Variants in ATP6AP2 observed in about 807,000 individuals in gnomAD.
The protein encoded by ATP6AP2 is ATPase H+ transporting accessory protein 2.
ATP6AP2 carries 1 observed loss-of-function variant against 23.4 expected under a neutral mutation model. The ratio of observed to expected loss-of-function variants is 0.04; its 90% CI spans 0.02 to 0.20. The LOEUF is 0.20. Among genes scored for constraint, ATP6AP2 ranks in the 10% least tolerant of loss-of-function variants. The probability of loss-of-function intolerance (pLI) is 1.00; values close to 1 mark genes in which losing one functional copy is unlikely to be tolerated. For synonymous variants in ATP6AP2, 90 were observed against 97.1 expected (o/e 0.93, Z 0.43); for missense variants, 174 against 271.3 (o/e 0.64, Z 2.52).
chrX:40,601,146 T>C (rs1004164890), intron 8 of ATP6AP2, among the ~76,000 whole-genome samples: 4 of 111,895 alleles, frequency 3.6e-5, no homozygotes, highest in Non-Finnish European at 7.5e-5. Flanking sequence ...AATTCAAATA[T>C]CAGTACACAC....
chrX:40,603,321 C>T (rs1926986239), intron 8 of ATP6AP2: 1 of 97,524 alleles, frequency 1.0e-5, no homozygotes, highest in Non-Finnish European at 2.0e-5. Context: ...TTGACTTGTA[C>T]ACTTAAAATG....
intron 1 of ATP6AP2, 25 bp downstream of exon 1, chrX:40,581,127 C>G (rs1160253862): frequency 2.6e-6 from 3 of 1,149,860 alleles, no homozygotes; most frequent in Non-Finnish European, 3.5e-6. Flanking sequence ...GCCGGCAGGA[C>G]GTGCCTGGGG....
chrX:40,596,047 T>TG (rs2146541996), intron 3 of ATP6AP2: 1 of 110,054 alleles, frequency 9.1e-6, no homozygotes, highest in African/African-American at 3.3e-5. Flanking sequence ...GGCGTGGTGG[T>TG]GCGTGCCTGT....
rs192380128 is a variant in ATP6AP2, at chrX:40,582,100, G to A, written c.37+998G>A. Among the ~76,000 whole-genome samples the A allele has an allele frequency of 9.8e-3, 1,100 of 112,026 alleles. 13 individuals are homozygous for A. The highest frequency in any genetic ancestry group is 0.034 in the African/African-American group (1,047 of 30,805). On this transcript the variant is annotated intron_variant, in intron 1 of 8. Coordinates refer to ENST00000636580, the MANE Select transcript of ATP6AP2 (RefSeq NM_005765.3). ...GAGGCCAAGTTGAGAACGGCTTGGA[G>A]GAATGGGTGCTCTGATCTCAGTGTG...
At chrX:40,586,196 G>A (rs1184253959) in intron 1 of ATP6AP2, among the ~76,000 whole-genome samples, 1 of 111,870 alleles carries the variant, frequency 8.9e-6, no homozygotes, top group Non-Finnish European at 1.9e-5. Flanking sequence ...GGGATAGTGT[G>A]TGAACAAGAC....
intron 1 of ATP6AP2, among the ~76,000 whole-genome samples, chrX:40,585,796 C>T (rs998705638): frequency 1.8e-5 from 2 of 111,154 alleles, no homozygotes; most frequent in East Asian, 2.8e-4. Context: ...GTGGAGGTTG[C>T]GGTGAGCTGA....
chrX:40,581,178 G>A, intron 1 of ATP6AP2, 76 bp downstream of exon 1: 1 of 999,794 alleles, frequency 1.0e-6, no homozygotes, highest in Non-Finnish European at 1.3e-6. Context: ...GGGCGGCCGC[G>A]GGCGAGTAGC....
intron 2 of ATP6AP2, 132 bp downstream of exon 2, chrX:40,589,248 C>G: frequency 1.3e-6 from 1 of 790,509 alleles, no homozygotes; most frequent in Non-Finnish European, 1.8e-6. Flanking sequence ...AAAAGCTCAT[C>G]TGGACCAGGC....
chrX:40,593,680 G>T (rs1202604798), intron 3 of ATP6AP2, among the ~76,000 whole-genome samples: 2 of 109,448 alleles, frequency 1.8e-5, no homozygotes, highest in Admixed American at 9.8e-5. Flanking sequence ...CTAATTTTTT[G>T]TATTTTTAGT....
intron 3 of ATP6AP2, among the ~76,000 whole-genome samples, chrX:40,595,590 C>T (rs1926756776): frequency 8.9e-6 from 1 of 112,158 alleles, no homozygotes; most frequent in Admixed American, 9.5e-5. Context: ...TAATCTTCAA[C>T]TTTCCTGAAC....
chrX:40,588,958 T>G (rs754181933), intron 1 of ATP6AP2, 28 bp from the exon 2 acceptor site: 2 of 1,192,220 alleles, frequency 1.7e-6, no homozygotes, highest in South Asian at 1.8e-5. Context: ...ATGTTGATAA[T>G]TCATTTACTG....
intron 8 of ATP6AP2, among the ~76,000 whole-genome samples, chrX:40,603,094 C>T (rs1271027764): frequency 2.8e-5 from 3 of 106,978 alleles, no homozygotes; most frequent in Non-Finnish European, 5.8e-5. Context: ...CCACCACACC[C>T]GGCTAATTTT....
At chrX:40,584,284 G>A (rs1926402709) in intron 1 of ATP6AP2, among the ~76,000 whole-genome samples, 1 of 109,517 alleles carries the variant, frequency 9.1e-6, no homozygotes, top group African/African-American at 3.3e-5. Flanking sequence ...TCAAACTCTT[G>A]GGCTCAAGTG....
intron 3 of ATP6AP2, among the ~76,000 whole-genome samples, chrX:40,593,516 T>C (rs1926698150): frequency 9.2e-6 from 1 of 108,150 alleles, no homozygotes; most frequent in African/African-American, 3.4e-5. Context: ...GCTTTTTTCT[T>C]TTTTTTTTGA....
At chrX:40,598,989 C>T in intron 6 of ATP6AP2, 1 of 387,477 alleles carries the variant, frequency 2.6e-6, no homozygotes, top group Non-Finnish European at 4.5e-6. Flanking sequence ...AACACCCTGG[C>T]CATAGTCCTA....
chrX:40,597,177 A>T, intron 3 of ATP6AP2, 72 bp from the exon 4 acceptor site: 1 of 847,377 alleles, frequency 1.2e-6, no homozygotes, highest in Non-Finnish European at 1.8e-6. Flanking sequence ...GCTTCTTTTT[A>T]AATACCATCT....
intron 1 of ATP6AP2, among the ~76,000 whole-genome samples, chrX:40,586,041 G>GAGTGCC (rs1233380232): frequency 9.0e-6 from 1 of 110,674 alleles, no homozygotes; most frequent in African/African-American, 3.3e-5. Flanking sequence ...TATAGAATGG[G>GAGTGCC]AGTGCCTTGA....
rs976897661 is a variant in ATP6AP2, at chrX:40,605,848, T to G, written c.*93T>G. 23 of 768,805 alleles carry G rather than the reference T, an allele frequency of 3.0e-5. No homozygotes were observed. Among genetic ancestry groups the G allele is most frequent in the Non-Finnish European group, 4.0e-5 (21 of 530,777 alleles). The allele number at this position is 768,805 out of a possible 1,213,427, so 63.4% of individuals were successfully genotyped here. On this transcript the variant is annotated 3_prime_UTR_variant, in exon 9 of 9. Transcript: ENST00000636580. ...GTGTGCTTTAAAGTAGATAGTATAC[T>G]TTACATTTATAAAAAAAAATCAAAT...
chrX:40,597,049 G>C, intron 3 of ATP6AP2, 200 bp from the exon 4 acceptor site: 1 of 422,290 alleles, frequency 2.4e-6, no homozygotes, highest in Non-Finnish European at 4.1e-6. Context: ...GGCATGATGG[G>C]AGATACAGAC....
Sources: gnomAD v4.1 joint callset for allele counts (sites outside exome capture counted in the v4.1 genomes callset) on GRCh38, gnomAD v4.1.1 for gene constraint, MANE v1.5 for transcripts, NCBI Gene and HGNC (gene_info 2026-07-23, HGNC 2026-07-21) for gene names.